The following PPP4R3A variants were observed in gnomAD, a reference collection of about 807,000 sequenced individuals.
The protein encoded by PPP4R3A is serine/threonine-protein phosphatase 4 regulatory subunit 3A.
In PPP4R3A, 15 loss-of-function variants were observed where a neutral mutation model predicts 91.7. The ratio of observed to expected loss-of-function variants is 0.16; its 90% CI spans 0.11 to 0.25. The LOEUF (loss-of-function observed/expected upper bound fraction) is 0.25, where lower values mean the gene tolerates loss of function less well. PPP4R3A is among the 10% of genes least tolerant of loss of function. The pLI is 1.00. For synonymous variants in PPP4R3A, 377 were observed against 348.7 expected, an observed-to-expected ratio of 1.08 and a Z score of -0.91; for missense variants, 623 against 998.4, an observed-to-expected ratio of 0.62 and a Z score of 5.07.
At chr14:91,503,045 T>C (rs116068812) in intron 1 of PPP4R3A, among the ~76,000 whole-genome samples, 225 of 152,252 alleles carry the variant, frequency 1.5e-3, no homozygotes, top group African/African-American at 4.9e-3. Context: ...TGGAGTGCAG[T>C]AGCATGACCA....
chr14:91,461,331 G>GGTAACC, intron 14 of PPP4R3A, 50 bp downstream of exon 14: 1 of 1,532,932 alleles, frequency 6.5e-7, no homozygotes, highest in Non-Finnish European at 9.0e-7. Context: ...TTATTGTTGA[G>GGTAACC]AAAGCTTCAA....
At chr14:91,504,529 G>A (rs1219827904) in intron 1 of PPP4R3A, among the ~76,000 whole-genome samples, 3 of 151,438 alleles carry the variant, frequency 2.0e-5, no homozygotes, top group African/African-American at 7.3e-5. Flanking sequence ...TTGAACCCGG[G>A]AAGCGGAGGT....
intron 1 of PPP4R3A, among the ~76,000 whole-genome samples, chr14:91,501,871 A>ATTT (rs755484959): frequency 1.0e-4 from 10 of 100,224 alleles, no homozygotes; most frequent in East Asian, 2.9e-4. Context: ...AGCCCGGCTA[A>ATTT]TTTTTTTTTT....
intron 11 of PPP4R3A, among the ~76,000 whole-genome samples, chr14:91,464,322 A>G (rs1415257925): frequency 9.8e-6 from 1 of 102,558 alleles, no homozygotes; most frequent in Non-Finnish European, 2.0e-5. Context: ...CTCTGTCCCC[A>G]CCCCCCTCCC....
chr14:91,472,489 TCA>T (rs1491390771), intron 9 of PPP4R3A, among the ~76,000 whole-genome samples: 3 of 147,630 alleles, frequency 2.0e-5, no homozygotes, highest in African/African-American at 5.0e-5. Flanking sequence ...AGTTGAAGTC[TCA>T]CTCTGTCGCC....
intron 11 of PPP4R3A, among the ~76,000 whole-genome samples, chr14:91,463,293 G>A (rs1166968561): frequency 6.6e-6 from 1 of 151,984 alleles, no homozygotes; most frequent in East Asian, 1.9e-4. Flanking sequence ...TCGAACTCCC[G>A]ACCTCAGGTG....
At chr14:91,461,719 T>C (rs551116703) in intron 13 of PPP4R3A, 112 bp from the exon 14 acceptor site, 21 of 1,087,182 alleles carry the variant, frequency 1.9e-5, no homozygotes, top group South Asian at 9.8e-5. Flanking sequence ...GGTAGAAACA[T>C]TGAAGTTCAA....
chr14:91,476,456 G>C lies in PPP4R3A; in HGVS notation c.1062C>G (p.Phe354Leu), dbSNP rs756265570. The change falls in exon 6 of 15, where the codon TTC becomes TTG. Residue 354 changes from phenylalanine (F) to leucine (L), a missense_variant. Physicochemically the swap from Phe to Leu is conservative, Grantham distance 22 (BLOSUM62 0). Around this residue, in one of 5 missense-constraint regions of PPP4R3A, gnomAD observed 264 missense variants for 377.3 expected, o/e 0.70. Transcript: ENST00000554943. ...ATATGCCCATGTTTGACAAAGTCTT[G>C]AAAAAAGCATCTCTGTTTTGAGGCT... The part of the protein sequence containing the change: ...TLQPQNRDAF[F>L]KTLSNMGILP... The C allele has an allele frequency of 3.1e-6, 5 of 1,611,720 alleles. No homozygotes were observed. The Admixed American group carries it at 8.4e-5, about 27-fold the overall frequency.
chr14:91,461,688 T>A, intron 13 of PPP4R3A, 81 bp from the exon 14 acceptor site: 1 of 1,339,382 alleles, frequency 7.5e-7, no homozygotes, highest in South Asian at 1.3e-5. Flanking sequence ...CTAAAACACA[T>A]TTAACTAGCT....
At chr14:91,507,481 T>TAG (rs1271438359) in intron 1 of PPP4R3A, among the ~76,000 whole-genome samples, 2 of 107,090 alleles carry the variant, frequency 1.9e-5, no homozygotes, top group Non-Finnish European at 1.8e-5. Context: ...TATACTATAG[T>TAG]TATATATACT....
At chr14:91,503,198 G>A (rs1484734255) in intron 1 of PPP4R3A, among the ~76,000 whole-genome samples, 2 of 152,162 alleles carry the variant, frequency 1.3e-5, no homozygotes, top group East Asian at 3.8e-4. Flanking sequence ...ATGTTGCCCA[G>A]GCAGGTATCG....
intron 10 of PPP4R3A, among the ~76,000 whole-genome samples, chr14:91,468,226 A>G (rs1888596704): frequency 6.6e-6 from 1 of 152,234 alleles, no homozygotes; most frequent in Non-Finnish European, 1.5e-5. Context: ...GTTTCCAACA[A>G]TAAACTTTCA....
intron 1 of PPP4R3A, among the ~76,000 whole-genome samples, chr14:91,501,703 G>C (rs1035373703): frequency 3.1e-5 from 4 of 130,630 alleles, no homozygotes; most frequent in African/African-American, 1.2e-4. Flanking sequence ...GGAGACTAAA[G>C]TGTGCTTTTT....
intron 1 of PPP4R3A, among the ~76,000 whole-genome samples, chr14:91,505,653 A>C (rs1331101541): frequency 2.0e-5 from 3 of 152,196 alleles, no homozygotes; most frequent in African/African-American, 7.2e-5. Flanking sequence ...ATAATCTGAA[A>C]ATCAAAAGTT....
In PPP4R3A at chr14:91,509,854, G is replaced by C. The variant is rs1400280340; in HGVS notation, c.-207C>G. On this transcript the variant is annotated 5_prime_UTR_variant, in exon 1 of 15. Transcript: ENST00000554943. ...TGGGCCGCCGCCTTTCCTCGCCTCCGGCTCCCCGGCGCTATTGTCCAGGCC... is the reference window on the plus strand; with the variant it reads ...TGGGCCGCCGCCTTTCCTCGCCTCCCGCTCCCCGGCGCTATTGTCCAGGCC... 2.0e-5 allele frequency: 23 copies of C among 1,150,370 alleles called. No individual in the cohort carries two copies. The highest frequency in any genetic ancestry group is 2.5e-5 in the Non-Finnish European group (23 of 938,570). 71.3% of individuals were successfully genotyped at this position (1,150,370 alleles called of 1,614,324 possible).
intron 1 of PPP4R3A, among the ~76,000 whole-genome samples, chr14:91,495,940 C>T (rs954605403): frequency 4.6e-5 from 4 of 87,120 alleles, no homozygotes; most frequent in African/African-American, 1.3e-4. Flanking sequence ...ACAAAACACA[C>T]ACACACACAC....
chr14:91,473,160 G>A (rs752624931), intron 8 of PPP4R3A, 25 bp from the exon 9 acceptor site: 3 of 1,613,620 alleles, frequency 1.9e-6, no homozygotes, highest in Non-Finnish European at 1.7e-6. Flanking sequence ...ACAATTCCAT[G>A]AACTTTAACC....
chr14:91,463,478 G>C (rs1436173860), intron 11 of PPP4R3A, among the ~76,000 whole-genome samples: 1 of 152,058 alleles, frequency 6.6e-6, no homozygotes, highest in Non-Finnish European at 1.5e-5. Context: ...CTGGCACCTA[G>C]GTTGAGATAT....
chr14:91,482,297 T>C, intron 3 of PPP4R3A, 104 bp from the exon 4 acceptor site: 1 of 1,292,660 alleles, frequency 7.7e-7, no homozygotes, highest in Non-Finnish European at 1.0e-6. Flanking sequence ...AAACCTATAA[T>C]GGTCATTTTC....
Sources: allele counts gnomAD v4.1 joint callset (sites outside exome capture counted in the v4.1 genomes callset), GRCh38; gene constraint gnomAD v4.1.1; regional missense constraint gnomAD v4.1.1; transcripts MANE v1.5; gene names NCBI Gene and HGNC (gene_info 2026-07-23, HGNC 2026-07-21).